AUTS2: variants seen among roughly 807,000 people sequenced by gnomAD.
The protein encoded by AUTS2 is activator of transcription and developmental regulator AUTS2, also known as autism susceptibility gene 2 protein.
In AUTS2, 17 loss-of-function variants were observed where a neutral mutation model predicts 112.4. That is an observed-to-expected ratio of 0.15 (90% confidence interval 0.10 to 0.23). AUTS2 has a LOEUF of 0.23. Ranked by LOEUF, AUTS2 falls within the 10% of genes least tolerant of loss-of-function variation. AUTS2 has a pLI of 1.00. For missense variants in AUTS2, 1,510 were observed against 1,701.6 expected (o/e 0.89, Z 1.98); for synonymous variants, 751 against 702.7 (o/e 1.07, Z -1.09).
intron 1 of AUTS2, among the ~76,000 whole-genome samples, chr7:69,631,047 C>T (rs940531648): frequency 1.1e-4 from 16 of 152,024 alleles, no homozygotes; most frequent in African/African-American, 3.9e-4. Flanking sequence ...GGCGTAGAAA[C>T]AAGAGGTAGA....
intron 5 of AUTS2, among the ~76,000 whole-genome samples, chr7:70,513,611 C>T (rs1014777207): frequency 1.3e-5 from 2 of 152,104 alleles, no homozygotes; most frequent in Non-Finnish European, 2.9e-5. Flanking sequence ...CCAGACCTAA[C>T]CCCCTTATTA....
intron 4 of AUTS2, among the ~76,000 whole-genome samples, chr7:70,208,952 G>A (rs997871785): frequency 6.6e-6 from 1 of 152,144 alleles, no homozygotes; most frequent in Non-Finnish European, 1.5e-5. Flanking sequence ...TAAAATGTAT[G>A]TTATACGGAA....
At chr7:70,260,035 G>A (rs1361879036) in intron 4 of AUTS2, among the ~76,000 whole-genome samples, 1 of 152,050 alleles carries the variant, frequency 6.6e-6, no homozygotes, top group Non-Finnish European at 1.5e-5. Context: ...TATTGCCTTA[G>A]TACATTTTCT....
At chr7:69,613,869 T>G (rs2533452) in intron 1 of AUTS2, among the ~76,000 whole-genome samples, 1 of 151,866 alleles carries the variant, frequency 6.6e-6, no homozygotes, top group African/African-American at 2.4e-5. Context: ...TTTCTTGATA[T>G]CTGTATCTTG....
At chr7:69,999,105 G>T (rs577658415) in intron 2 of AUTS2, among the ~76,000 whole-genome samples, 21 of 152,150 alleles carry the variant, frequency 1.4e-4, no homozygotes, top group Non-Finnish European at 2.8e-4. Context: ...AAAGTTTATA[G>T]CAAATTATCA....
chr7:70,133,824 G>A (rs1806402286), intron 3 of AUTS2, among the ~76,000 whole-genome samples: 1 of 152,136 alleles, frequency 6.6e-6, no homozygotes, highest in Non-Finnish European at 1.5e-5. Flanking sequence ...GTGATGCCCT[G>A]CATTCCTTTC....
chr7:69,644,878 T>C (rs1794954368), intron 1 of AUTS2, among the ~76,000 whole-genome samples: 1 of 152,084 alleles, frequency 6.6e-6, no homozygotes, highest in Non-Finnish European at 1.5e-5. Flanking sequence ...AATCTCACCA[T>C]CTTTCTTCTG....
At chr7:69,751,964 G>C (rs1787756187) in intron 1 of AUTS2, among the ~76,000 whole-genome samples, 1 of 152,154 alleles carries the variant, frequency 6.6e-6, no homozygotes, top group Non-Finnish European at 1.5e-5. Context: ...CCAATACACA[G>C]TACTCACTAA....
chr7:70,372,548 G>A (rs957740716), intron 4 of AUTS2, among the ~76,000 whole-genome samples: 23 of 152,106 alleles, frequency 1.5e-4, no homozygotes, highest in African/African-American at 5.1e-4. Flanking sequence ...ACAAACAGTA[G>A]GGGGAAGACC....
chr7:70,441,325 G>A (rs1305417490), intron 5 of AUTS2, among the ~76,000 whole-genome samples: 1 of 152,160 alleles, frequency 6.6e-6, no homozygotes, highest in Non-Finnish European at 1.5e-5. Flanking sequence ...ATGGCTAACT[G>A]CAAATGCAGT....
intron 18 of AUTS2, among the ~76,000 whole-genome samples, chr7:70,789,219 T>C (rs923116271): frequency 6.6e-5 from 10 of 152,222 alleles, no homozygotes; most frequent in Admixed American, 3.3e-4. Context: ...TTCTTTGCTC[T>C]GAAACTGGTC....
At chr7:70,738,506 T>C (rs1244080138) in intron 6 of AUTS2, among the ~76,000 whole-genome samples, 3 of 151,984 alleles carry the variant, frequency 2.0e-5, no homozygotes, top group African/African-American at 4.8e-5. Context: ...GAGTTGCTCT[T>C]TTGAGAGTTG....
At chr7:70,401,532 G>T (rs2130167184) in intron 4 of AUTS2, among the ~76,000 whole-genome samples, 1 of 152,322 alleles carries the variant, frequency 6.6e-6, no homozygotes, top group Non-Finnish European at 1.5e-5. Context: ...CAAGAAGTGG[G>T]CTGTGATATA....
intron 4 of AUTS2, among the ~76,000 whole-genome samples, chr7:70,172,051 G>A (rs1188068802): frequency 6.6e-6 from 1 of 151,988 alleles, no homozygotes; most frequent in Non-Finnish European, 1.5e-5. Context: ...GCTTTGTGAT[G>A]GAAACCCTTT....
intron 2 of AUTS2, among the ~76,000 whole-genome samples, chr7:69,919,518 A>G (rs960706858): frequency 1.3e-5 from 2 of 152,218 alleles, no homozygotes; most frequent in African/African-American, 2.4e-5. Context: ...TGTTCAGTGA[A>G]GAAGATAGCA....
intron 5 of AUTS2, among the ~76,000 whole-genome samples, chr7:70,536,036 A>G (rs557271383): frequency 6.6e-6 from 1 of 152,276 alleles, no homozygotes; most frequent in Admixed American, 6.5e-5. Context: ...TTCCTGTAAA[A>G]GTAGTTAAGA....
At chr7:69,665,471 G>A (rs1214646452) in intron 1 of AUTS2, among the ~76,000 whole-genome samples, 11 of 152,168 alleles carry the variant, frequency 7.2e-5, no homozygotes, top group Admixed American at 7.2e-4. Context: ...AAAGCTGTAG[G>A]AGTCTGGAAT....
At chr7:70,530,577 G>A (rs1278007122) in intron 5 of AUTS2, among the ~76,000 whole-genome samples, 4 of 152,136 alleles carry the variant, frequency 2.6e-5, no homozygotes, top group Non-Finnish European at 5.9e-5. Flanking sequence ...CAAGGGTTTG[G>A]GTTGTGCCTC....
intron 5 of AUTS2, among the ~76,000 whole-genome samples, chr7:70,602,851 G>A (rs943403129): frequency 5.9e-5 from 9 of 152,182 alleles, no homozygotes; most frequent in East Asian, 3.8e-4. Flanking sequence ...GTTCTCTAGC[G>A]TATACCCTGT....
Sources: allele counts gnomAD v4.1 joint callset (sites outside exome capture counted in the v4.1 genomes callset), GRCh38; gene constraint gnomAD v4.1.1; transcripts MANE v1.5; gene names NCBI Gene and HGNC (gene_info 2026-07-23, HGNC 2026-07-21).